ZAN: variants seen among roughly 807,000 people sequenced by gnomAD.
ZAN encodes zonadhesin.
Under a neutral mutation model 286.2 loss-of-function variants are expected in ZAN, and 260 were observed. The ratio of observed to expected loss-of-function variants is 0.91; its 90% CI spans 0.82 to 1.01. The LOEUF (loss-of-function observed/expected upper bound fraction) is 1.01, where lower values mean the gene tolerates loss of function less well. ZAN is among the 50% of genes least tolerant of loss of function. ZAN has a pLI of 0.00. For missense variants in ZAN, 3,410 were observed against 3,639.2 expected (o/e 0.94, Z 1.62); for synonymous variants, 1,368 against 1,417.5 (o/e 0.97, Z 0.79).
chr7:100,792,536 C>T, intron 42 of ZAN, 57 bp downstream of exon 42: 1 of 1,607,668 alleles, frequency 6.2e-7, no homozygotes, highest in Admixed American at 1.7e-5. Context: ...CGGGACCGCA[C>T]CCTCTGCGGT....
intron 14 of ZAN, among the ~76,000 whole-genome samples, chr7:100,753,880 G>C (rs1419208957): frequency 1.4e-5 from 2 of 146,666 alleles, no homozygotes; most frequent in African/African-American, 5.0e-5. Context: ...GTGGGTTTTA[G>C]TATATTCCTA....
rs1584568764 is a variant in ZAN at position 100,752,660 on chromosome 7, T to C, written c.2555T>C (p.Ile852Thr). 1.2e-6 allele frequency: 2 copies of C among 1,605,166 alleles called. No homozygotes were observed. The highest frequency in any genetic ancestry group is 1.7e-5 in the Admixed American group (1 of 58,892). Residue 852 changes from isoleucine to threonine, a missense_variant, in exon 14 of 48, where the codon ATC (isoleucine) becomes ACC (threonine). Ile to Thr is a moderately conservative substitution (Grantham distance 89, BLOSUM62 -1). Coordinates refer to ENST00000613979, the MANE Select transcript of ZAN (RefSeq NM_003386.3). ...ACCATCCCCATGGAAAAACCCACCA[T>C]CTCCACAGAAAAACCCACCATCCCC... ...KLTIPMEKPT[I>T]STEKPTIPTE...
intron 35 of ZAN, among the ~76,000 whole-genome samples, chr7:100,782,621 G>A (rs567277601): frequency 7.9e-5 from 12 of 152,106 alleles, no homozygotes; most frequent in African/African-American, 1.9e-4. Flanking sequence ...GTGAGCCACC[G>A]TGTCCGGCCT....
At position 100,784,641 on chromosome 7, in the gene ZAN, A is replaced by G. The variant is rs2116265580; in HGVS notation, c.6641A>G (p.Tyr2214Cys). 1 of 1,613,864 alleles carries G rather than the reference A, an allele frequency of 6.2e-7. No homozygotes were observed. The highest frequency in any genetic ancestry group is 8.5e-7 in the Non-Finnish European group (1 of 1,179,850). Residue 2214 changes from tyrosine to cysteine, a missense_variant, in exon 36 of 48, where the codon TAC becomes TGC. Tyr to Cys is a radical substitution (Grantham distance 194). This residue lies in a region of ZAN where 1,289 missense variants were observed against 1,314.3 expected (regional missense o/e 0.98). Coordinates refer to ENST00000613979, the MANE Select transcript of ZAN (RefSeq NM_003386.3). Reference protein sequence around the residue: ...SSFCPLECPAYSSYTNCLPSC... With the variant: ...SSFCPLECPACSSYTNCLPSC... Reference sequence around the variant, plus strand: ...CCCACAGCTCTGGAATGCCCTGCCTACAGCAGCTACACCAACTGCCTTCCC... The same window carrying G: ...CCCACAGCTCTGGAATGCCCTGCCTGCAGCAGCTACACCAACTGCCTTCCC...
At chr7:100,776,890 G>C (rs1215772774) in intron 34 of ZAN, among the ~76,000 whole-genome samples, 1 of 145,014 alleles carries the variant, frequency 6.9e-6, no homozygotes, top group Admixed American at 7.0e-5. Flanking sequence ...CCGCCACCGC[G>C]CCCGGCTAAT....
At chr7:100,794,621 C>T (rs1190926755) in intron 44 of ZAN, among the ~76,000 whole-genome samples, 1 of 151,946 alleles carries the variant, frequency 6.6e-6, no homozygotes, top group African/African-American at 2.4e-5. Flanking sequence ...TTGCTTTGAG[C>T]TCAGGAGTTC....
chr7:100,786,152 C>T lies in ZAN; in HGVS notation c.6979+11C>T, dbSNP rs199720621. ...ATTGTGTCTCAGACAGTAAGGGGAG[C>T]GACCGGGGAGGTTGGAGAGGGGAGC... On this transcript the variant is annotated intron_variant, in intron 37 of 47. Coordinates refer to ENST00000613979, the MANE Select transcript of ZAN (RefSeq NM_003386.3). 1.1e-3 allele frequency: 1,708 copies of T among 1,613,514 alleles called. 3 individuals are homozygous for T. Among genetic ancestry groups the T allele is most frequent in the Non-Finnish European group, 1.1e-3 (1,269 of 1,179,678 alleles).
At chr7:100,795,998 T>C (rs890578081) in intron 45 of ZAN, among the ~76,000 whole-genome samples, 1 of 152,052 alleles carries the variant, frequency 6.6e-6, no homozygotes. Context: ...GAGACCCGCT[T>C]GAACCCGGGA....
chr7:100,797,574 T>G lies in ZAN; in HGVS notation c.8367-3T>G, dbSNP rs1202724121. ...CCCATGTCTATTCCCCCATGCCTTCTAGAGAGAAAACGCAGGAGGGAGACA... is the reference window on the plus strand; with the variant it reads ...CCCATGTCTATTCCCCCATGCCTTCGAGAGAGAAAACGCAGGAGGGAGACA... On this transcript the variant is annotated splice_region_variant and splice_polypyrimidine_tract_variant and intron_variant, in intron 46 of 47. Transcript: ENST00000613979. The G allele has an allele frequency of 6.2e-7, 1 of 1,613,816 alleles. No individual in the cohort carries two copies. Among genetic ancestry groups the G allele is most frequent in the Non-Finnish European group, 8.5e-7 (1 of 1,179,854 alleles).
Position 100,752,534 on chromosome 7 carries a change from T to TCCCCACAGAAGAGC in ZAN, c.2430_2431insCCCACAGAAGAGCC (p.Ser811ProfsTer195), listed in dbSNP as rs1808805122. 6.2e-7 allele frequency: 1 copy of TCCCCACAGAAGAGC among 1,608,932 alleles called. No homozygotes were observed. Among genetic ancestry groups the TCCCCACAGAAGAGC allele is most frequent in the African/African-American group, 1.4e-5 (1 of 72,898 alleles). The stretch of plus-strand genomic sequence containing the variant: ...ACCACCCCCACTGAGGAGACCACCA[T>TCCCCACAGAAGAGC]CTCCACAGAAAAACCCAGCATCCCC... On this transcript the variant is annotated frameshift_variant, in exon 14 of 48. Coordinates refer to ENST00000613979, the MANE Select transcript of ZAN (RefSeq NM_003386.3). LOFTEE classifies it high-confidence loss of function.
Position 100,779,638 on chromosome 7 carries a change from CTG to C in ZAN, c.6513_6514del (p.Cys2171Ter), listed in dbSNP as rs1811066720. ...PFLVDCANTLCEFGGLYQALC... is the reference protein window; with the variant it reads ...PFLVDCANTLXEFGGLYQALC... ...TCCTGGTGGACTGTGCAAACACCCT[CTG>C]TGAGTTCGGAGGTCTCTACCAGGCC... is the stretch of plus-strand genomic sequence containing the variant. On this transcript the variant is annotated frameshift_variant, in exon 35 of 48. Coordinates refer to ENST00000613979, the MANE Select transcript of ZAN (RefSeq NM_003386.3). LOFTEE classifies it high-confidence loss of function. 6.3e-7 allele frequency: 1 copy of C among 1,593,390 alleles called. No homozygotes were observed. The highest frequency in any genetic ancestry group is 2.3e-5 in the East Asian group (1 of 43,798).
intron 7 of ZAN, among the ~76,000 whole-genome samples, chr7:100,739,156 C>T (rs1219117844): frequency 3.7e-5 from 5 of 134,804 alleles, no homozygotes; most frequent in Non-Finnish European, 8.2e-5. Flanking sequence ...AGACTGCAGG[C>T]GTGCACCACC....
Position 100,766,587 on chromosome 7 carries a change from A to G in ZAN, c.4533A>G (p.Arg1511=), listed in dbSNP as rs1422304878. The G allele has an allele frequency of 1.9e-6, 3 of 1,552,944 alleles. No homozygotes were observed. Among genetic ancestry groups the G allele is most frequent in the Non-Finnish European group, 2.6e-6 (3 of 1,147,824 alleles). Residue 1511 remains arginine, a synonymous_variant, in exon 24 of 48, where the codon AGA becomes AGG. Coordinates refer to ENST00000613979, the MANE Select transcript of ZAN (RefSeq NM_003386.3). Reference sequence around the variant, plus strand: ...TGTGCGTCTGTGAAAGCAACAACAGAATTCGCTGCCAGCCCTGGAGGTGTA... The same window carrying G: ...TGTGCGTCTGTGAAAGCAACAACAGGATTCGCTGCCAGCCCTGGAGGTGTA... The part of the protein sequence containing the change: ...KELCVCESNN[R]IRCQPWRCRA...
In ZAN at chr7:100,797,721, T is replaced by A. The variant is rs1266385211; in HGVS notation, c.8428T>A (p.Cys2810Ser). Residue 2810 changes from cysteine to serine, a missense_variant, in exon 48 of 48, where the codon TGT becomes AGT. Transcript: ENST00000613979. Reference sequence around the variant, plus strand: ...TTTCTCCTCAGATACTGTTCTGGACTGTGCCTGTTAAGTTGCTCAGTTTTG... The same window carrying A: ...TTTCTCCTCAGATACTGTTCTGGACAGTGCCTGTTAAGTTGCTCAGTTTTG... Reference protein sequence around the residue: ...RLVDTDTVLDCAC With the variant: ...RLVDTDTVLDSAC The A allele has an allele frequency of 6.2e-7, 1 of 1,614,024 alleles. No individual in the cohort carries two copies. Among genetic ancestry groups the A allele is most frequent in the South Asian group, 1.1e-5 (1 of 91,080 alleles).
At chr7:100,769,062 C>T (rs910222201) in intron 27 of ZAN, among the ~76,000 whole-genome samples, 1 of 151,456 alleles carries the variant, frequency 6.6e-6, no homozygotes, top group Non-Finnish European at 1.5e-5. Context: ...CTCCTGTATC[C>T]CTCTCTCTTT....
intron 15 of ZAN, 144 bp downstream of exon 15, chr7:100,755,554 T>A (rs1260888079): frequency 1.1e-6 from 1 of 929,358 alleles, no homozygotes; most frequent in East Asian, 2.7e-5. Flanking sequence ...GGTTACATGA[T>A]GGCGAAGTTA....
chr7:100,776,694 CTCTT>C (rs1459575389), intron 34 of ZAN, 130 bp downstream of exon 34: 2 of 313,658 alleles, frequency 6.4e-6, no homozygotes, highest in Non-Finnish European at 9.7e-6. Flanking sequence ...TTCTCTCTTT[CTCTT>C]TCTTTTCTTC....
chr7:100,792,604 C>T (rs942356563), intron 42 of ZAN, 125 bp downstream of exon 42: 13 of 1,511,738 alleles, frequency 8.6e-6, no homozygotes, highest in Admixed American at 2.1e-5. Context: ...CTCTGCTGAA[C>T]GCTCTTCCCA....
In ZAN at chr7:100,738,557, A is replaced by G. The variant is rs1360986896; in HGVS notation, c.710A>G (p.Lys237Arg). The G allele has an allele frequency of 5.3e-6, 8 of 1,515,984 alleles. No individual in the cohort carries two copies. In the South Asian group the frequency reaches 8.0e-5, roughly 15 times the overall value. 93.9% of individuals were successfully genotyped at this position (1,515,984 alleles called of 1,614,324 possible). A position where few individuals can be genotyped will look rare whatever the true frequency, so the allele number is the denominator to read the frequency against. ...TASGAKWTQKKGSSGKPGVGP... is the reference protein window; with the variant it reads ...TASGAKWTQKRGSSGKPGVGP... ...TCCGGGGCCAAGTGGACTCAGAAGA[A>G]AGGGTCATCAGGAAAGCCAGGCGTG... The change falls in exon 7 of 48, where the codon AAA becomes AGA. Residue 237 changes from lysine to arginine, a missense_variant. Coordinates refer to ENST00000613979, the MANE Select transcript of ZAN (RefSeq NM_003386.3).
Sources: allele counts gnomAD v4.1 joint callset (sites outside exome capture counted in the v4.1 genomes callset), GRCh38; gene constraint gnomAD v4.1.1; regional missense constraint gnomAD v4.1.1; transcripts MANE v1.5; gene names NCBI Gene and HGNC (gene_info 2026-07-23, HGNC 2026-07-21).